Variants in RBFOX1 observed in about 807,000 individuals in gnomAD.
The protein encoded by RBFOX1 is RNA binding fox-1 homolog 1.
RBFOX1 carries 8 observed loss-of-function variants against 57.7 expected under a neutral mutation model. That is an observed-to-expected ratio of 0.14 (90% CI 0.08 to 0.25). The LOEUF (loss-of-function observed/expected upper bound fraction) is 0.25, where lower values mean the gene tolerates loss of function less well. RBFOX1 is among the 10% of genes least tolerant of loss of function. The pLI, the probability that RBFOX1 is intolerant of heterozygous loss-of-function variation, is 1.00. For missense variants in RBFOX1, 611 were observed against 548.5 expected (o/e 1.11, Z -1.14); for synonymous variants, 326 against 222.4 (o/e 1.47, Z -4.15).
At chr16:5,632,286 C>G (rs952108353) in intron 3 of RBFOX1, among the ~76,000 whole-genome samples, 2 of 152,196 alleles carry the variant, frequency 1.3e-5, no homozygotes, top group Non-Finnish European at 2.9e-5. Flanking sequence ...GGGAGTTACA[C>G]CTGCTGGGTT....
intron 1 of RBFOX1, among the ~76,000 whole-genome samples, chr16:6,237,283 G>T (rs1291445246): frequency 6.6e-6 from 1 of 152,200 alleles, no homozygotes; most frequent in Non-Finnish European, 1.5e-5. Flanking sequence ...TGCAATGTTA[G>T]AAGGTGGAAG....
intron 1 of RBFOX1, among the ~76,000 whole-genome samples, chr16:5,430,836 AC>A (rs1230820558): frequency 5.9e-5 from 9 of 152,354 alleles, no homozygotes; most frequent in African/African-American, 2.2e-4. Flanking sequence ...TACAGATACA[AC>A]AGCCAACCTT....
chr16:6,693,614 A>G (rs1401637747), intron 3 of RBFOX1, among the ~76,000 whole-genome samples: 1 of 140,588 alleles, frequency 7.1e-6, no homozygotes, highest in East Asian at 2.2e-4. Context: ...CACCATCATC[A>G]TCAACACATT....
chr16:7,192,095 G>C (rs2085530802), intron 4 of RBFOX1, among the ~76,000 whole-genome samples: 1 of 152,132 alleles, frequency 6.6e-6, no homozygotes, highest in African/African-American at 2.4e-5. Context: ...CAAAACCAGA[G>C]AAAGGGGGAT....
chr16:6,491,603 G>A (rs1444734449), intron 2 of RBFOX1, among the ~76,000 whole-genome samples: 1 of 152,172 alleles, frequency 6.6e-6, no homozygotes, highest in African/African-American at 2.4e-5. Flanking sequence ...TGTCTATTGA[G>A]TGCCTGCAAT....
chr16:6,345,017 C>G (rs1003485283), intron 2 of RBFOX1, among the ~76,000 whole-genome samples: 8 of 151,946 alleles, frequency 5.3e-5, no homozygotes, highest in African/African-American at 1.9e-4. Flanking sequence ...AAAACAAGAA[C>G]AATATATGGC....
chr16:7,415,970 G>C (rs1028185704), intron 4 of RBFOX1, among the ~76,000 whole-genome samples: 1 of 152,150 alleles, frequency 6.6e-6, no homozygotes, highest in Non-Finnish European at 1.5e-5. Flanking sequence ...GTGAAACTTA[G>C]GACTGTCTTC....
intron 4 of RBFOX1, among the ~76,000 whole-genome samples, chr16:7,142,620 G>A (rs911069171): frequency 3.3e-5 from 5 of 152,044 alleles, no homozygotes; most frequent in Non-Finnish European, 1.5e-5. Flanking sequence ...CTCATCTTCT[G>A]GACTGTCAAT....
intron 4 of RBFOX1, among the ~76,000 whole-genome samples, chr16:7,334,893 C>A (rs2096758201): frequency 6.6e-6 from 1 of 152,178 alleles, no homozygotes; most frequent in African/African-American, 2.4e-5. Context: ...TTCCAAGCGA[C>A]ACCTCTGGTA....
intron 2 of RBFOX1, among the ~76,000 whole-genome samples, chr16:6,618,450 C>T (rs1443168992): frequency 6.6e-6 from 1 of 152,106 alleles, no homozygotes. Flanking sequence ...TGTCAGAAGT[C>T]CTACATTCTG....
At chr16:7,622,286 A>T (rs930653754) in intron 10 of RBFOX1, among the ~76,000 whole-genome samples, 2 of 152,226 alleles carry the variant, frequency 1.3e-5, no homozygotes, top group Non-Finnish European at 2.9e-5. Context: ...TGGGTATAAA[A>T]ATAGTGTCTG....
chr16:7,499,087 A>G (rs1404633699), intron 4 of RBFOX1, among the ~76,000 whole-genome samples: 3 of 152,198 alleles, frequency 2.0e-5, no homozygotes, highest in Non-Finnish European at 4.4e-5. Context: ...ACAAAGAACC[A>G]CAAACTGGGT....
At chr16:7,658,641 C>G (rs1490005456) in intron 12 of RBFOX1, among the ~76,000 whole-genome samples, 1 of 152,106 alleles carries the variant, frequency 6.6e-6, no homozygotes, top group Non-Finnish European at 1.5e-5. Context: ...AATCCCAATC[C>G]CCTCCCTCAA....
At chr16:5,561,708 C>G (rs182970754) in intron 2 of RBFOX1, among the ~76,000 whole-genome samples, 9 of 152,090 alleles carry the variant, frequency 5.9e-5, no homozygotes, top group African/African-American at 2.2e-4. Context: ...TATCTTATCT[C>G]CAGGAGGGTC....
At chr16:5,336,169 G>C (rs1001267693) in intron 1 of RBFOX1, among the ~76,000 whole-genome samples, 1 of 152,064 alleles carries the variant, frequency 6.6e-6, no homozygotes, top group Non-Finnish European at 1.5e-5. Flanking sequence ...TTCCAACTTG[G>C]GAGCCAAAGG....
At chr16:7,535,004 C>G (rs1243788989) in intron 5 of RBFOX1, among the ~76,000 whole-genome samples, 1 of 152,136 alleles carries the variant, frequency 6.6e-6, no homozygotes, top group Non-Finnish European at 1.5e-5. Flanking sequence ...TCTGTTAACT[C>G]CCAAGTCAGG....
Position 6,364,579 on chromosome 16 carries a change from G to A in RBFOX1, c.-64+47522G>A, listed in dbSNP as rs150129201. Among the ~76,000 whole-genome samples the A allele has an allele frequency of 1.5e-3, 227 of 152,328 alleles. 1 individual carries two copies. The highest frequency in any genetic ancestry group is 5.0e-3 in the African/African-American group (208 of 41,592). On this transcript the variant is annotated intron_variant, in intron 2 of 15. Coordinates refer to ENST00000550418, the MANE Select transcript of RBFOX1 (RefSeq NM_018723.4). ...AACACATGTGCGTGTGTGCAGGCAT[G>A]TGTGTACACACACTTTCATGTTGAT...
intron 4 of RBFOX1, among the ~76,000 whole-genome samples, chr16:5,873,943 G>T (rs987096180): frequency 1.3e-5 from 2 of 152,160 alleles, no homozygotes; most frequent in African/African-American, 4.8e-5. Flanking sequence ...AAAGCTGCCT[G>T]CTCAGAGAAT....
chr16:6,648,920 C>A (rs1306353744), intron 2 of RBFOX1, among the ~76,000 whole-genome samples: 3 of 152,072 alleles, frequency 2.0e-5, no homozygotes, highest in African/African-American at 7.2e-5. Context: ...TAAATAGAGC[C>A]AATATCATAT....
Sources: gnomAD v4.1 joint callset for allele counts (sites outside exome capture counted in the v4.1 genomes callset) on GRCh38, gnomAD v4.1.1 for gene constraint, MANE v1.5 for transcripts, NCBI Gene and HGNC (gene_info 2026-07-23, HGNC 2026-07-21) for gene names.